HPD: variants seen among roughly 807,000 people sequenced by gnomAD.
HPD encodes 4-hydroxyphenylpyruvate dioxygenase, also known as 4-hydroxyphenylpyruvic acid oxidase.
HPD carries 35 observed loss-of-function variants against 56.9 expected under a neutral mutation model. That is an observed-to-expected ratio of 0.62 (90% CI 0.47 to 0.82). The LOEUF (loss-of-function observed/expected upper bound fraction) is 0.82, where lower values mean the gene tolerates loss of function less well. Among genes scored for constraint, HPD ranks in the 40% least tolerant of loss-of-function variants. The pLI, the probability that HPD is intolerant of heterozygous loss-of-function variation, is 0.00. For synonymous variants in HPD, 186 were observed against 200.2 expected, an observed-to-expected ratio of 0.93 and a Z score of 0.60; for missense variants, 442 against 506.8, an observed-to-expected ratio of 0.87 and a Z score of 1.23.
intron 5 of HPD, 50 bp from the exon 6 acceptor site, chr12:121,856,456 C>T (rs771287187): frequency 1.3e-6 from 2 of 1,599,536 alleles, no homozygotes; most frequent in Admixed American, 1.7e-5. Context: ...TCTAGGTCCC[C>T]TCACCTGGCT....
At chr12:121,878,817 G>A in the HPD span, among the ~76,000 whole-genome samples, 2 of 151,560 alleles carry the variant, frequency 1.3e-5, no homozygotes, top group South Asian at 4.2e-4. Flanking sequence ...GGGACTACAG[G>A]CATGTGCTAC....
Position 121,856,386 on chromosome 12 carries a change from TCAC to T in HPD, c.259_261del (p.Val87del). ...ATGTCCTTCACTCCGTCACCGTGTTTCACCAGGTGATCGCCCATCTCTGTGGCC... is the reference window on the plus strand; with the variant it reads ...ATGTCCTTCACTCCGTCACCGTGTTTCAGGTGATCGCCCATCTCTGTGGCC... On this transcript the variant is annotated inframe_deletion, in exon 6 of 14. Transcript: ENST00000289004. The T allele has an allele frequency of 6.2e-7, 1 of 1,614,094 alleles. No homozygotes were observed.
chr12:121,871,254 G>A, the HPD span, among the ~76,000 whole-genome samples: 1 of 151,948 alleles, frequency 6.6e-6, no homozygotes. Context: ...AGTCCTAGCT[G>A]CTCAGGAGGC....
chr12:121,855,972 CAAAA>C (rs57671436), intron 6 of HPD, among the ~76,000 whole-genome samples: 4 of 65,340 alleles, frequency 6.1e-5, no homozygotes, highest in Middle Eastern at 0.014. Context: ...CTCCGTCTCA[CAAAA>C]AAAAAAAAAA....
At chr12:121,841,200 CAAA>C (rs35849071) in intron 12 of HPD, among the ~76,000 whole-genome samples, 1 of 89,390 alleles carries the variant, frequency 1.1e-5, no homozygotes, top group African/African-American at 3.8e-5. Context: ...GACTCTGTCT[CAAA>C]AAAAAAAAAA....
At chr12:121,843,389 C>A (rs1425048573) in intron 12 of HPD, among the ~76,000 whole-genome samples, 1 of 152,248 alleles carries the variant, frequency 6.6e-6, no homozygotes, top group Non-Finnish European at 1.5e-5. Context: ...TTTCTTCCCG[C>A]TGTTCACATG....
chr12:121,858,677 G>C lies in HPD; in HGVS notation c.30+10C>G. 11 of 1,613,574 alleles carry C rather than the reference G, an allele frequency of 6.8e-6. No homozygotes were observed. Among genetic ancestry groups the C allele is most frequent in the Non-Finnish European group, 9.3e-6 (11 of 1,179,640 alleles). ...CAGGCCCCTACATTTCCCACATTTC[G>C]CCTGCTTACCTTTGCCCCTTTGTCA... is the stretch of plus-strand genomic sequence containing the variant. On this transcript the variant is annotated intron_variant, in intron 2 of 13. Transcript: ENST00000289004.
intron 12 of HPD, 109 bp downstream of exon 12, chr12:121,843,601 G>T: frequency 7.9e-7 from 1 of 1,266,070 alleles, no homozygotes; most frequent in Non-Finnish European, 1.1e-6. Context: ...TCCTTTGCCA[G>T]CAGGGACTTG....
upstream of HPD, among the ~76,000 whole-genome samples, chr12:121,860,897 A>G (rs759163939): frequency 9.3e-5 from 14 of 150,922 alleles, no homozygotes; most frequent in Non-Finnish European, 1.5e-4. Flanking sequence ...CAGGGTGAGA[A>G]CTTGTATCAA....
intron 4 of HPD, chr12:121,857,048 T>C: frequency 4.0e-6 from 2 of 505,908 alleles, no homozygotes; most frequent in East Asian, 7.4e-5. Context: ...GAATTATATG[T>C]TTTTGTTGTT....
intron 3 of HPD, 50 bp from the exon 4 acceptor site, chr12:121,857,482 G>T: frequency 1.4e-6 from 2 of 1,382,434 alleles, no homozygotes; most frequent in Non-Finnish European, 2.1e-6. Context: ...GGGCCAGCAT[G>T]GGGGACTTCC....
chr12:121,850,959 G>T (rs996877840), intron 7 of HPD, among the ~76,000 whole-genome samples: 1 of 151,518 alleles, frequency 6.6e-6, no homozygotes. Flanking sequence ...TGCCTCCCGG[G>T]TTCAAGCGAT....
chr12:121,857,357 C>T lies in HPD; in HGVS notation c.169G>A (p.Val57Met). The T allele has an allele frequency of 1.9e-6, 3 of 1,614,004 alleles. No homozygotes were observed. The highest frequency in any genetic ancestry group is 1.1e-5 in the South Asian group (1 of 91,076). Residue 57 changes from valine to methionine, a missense_variant, in exon 4 of 14, where the codon GTG becomes ATG. By Grantham distance (21) the Val-to-Met change is conservative (BLOSUM62 1). Coordinates refer to ENST00000289004, the MANE Select transcript of HPD (RefSeq NM_002150.3). ...CCTTGTTTGATTACATGGCTGACCA[C>T]CTCCCGGGAACCGGTCTCCAGGCCC... ...YRGLETGSRE[V>M]VSHVIKQGKI...
intron 8 of HPD, 37 bp from the exon 9 acceptor site, chr12:121,849,113 ACC>A: frequency 7.2e-7 from 1 of 1,386,856 alleles, no homozygotes; most frequent in Non-Finnish European, 1.0e-6. Flanking sequence ...GAAGGTGGCT[ACC>A]CCCCAGATTG....
rs1185112224 is a variant in HPD, at chr12:121,858,730, G to A, written c.4-17C>T. 1 of 1,614,124 alleles carries A rather than the reference G, an allele frequency of 6.2e-7. No individual in the cohort carries two copies. Among genetic ancestry groups the A allele is most frequent in the South Asian group, 1.1e-5 (1 of 91,062 alleles). On this transcript the variant is annotated splice_polypyrimidine_tract_variant and intron_variant, in intron 1 of 13. Transcript: ENST00000289004. ...GTAAGTCGTCTAAGGAGAAAAAGAA[G>A]GACAGTGAGACTTGGAGGTTCCAAC...
intron 4 of HPD, chr12:121,857,045 A>T: frequency 2.0e-6 from 1 of 508,604 alleles, no homozygotes; most frequent in South Asian, 2.1e-5. Flanking sequence ...GCTGAATTAT[A>T]TGTTTTTGTT....
At chr12:121,871,970 C>T in the HPD span, among the ~76,000 whole-genome samples, 2 of 150,836 alleles carry the variant, frequency 1.3e-5, no homozygotes, top group East Asian at 3.9e-4. Context: ...CGGTGGCTCA[C>T]GACTGTAATC....
chr12:121,865,707 A>G (rs1764394111), upstream of HPD, among the ~76,000 whole-genome samples: 1 of 151,624 alleles, frequency 6.6e-6, no homozygotes, highest in South Asian at 2.1e-4. Context: ...AATAATCAAG[A>G]GGCTGGGTGT....
chr12:121,843,679 C>T (rs201689528), intron 12 of HPD, 31 bp downstream of exon 12: 612 of 1,613,478 alleles, frequency 3.8e-4, no homozygotes, highest in Non-Finnish European at 5.1e-4. Flanking sequence ...ATACTCCCCC[C>T]ACAAGGCTGC....
Sources: allele counts gnomAD v4.1 joint callset (sites outside exome capture counted in the v4.1 genomes callset), GRCh38; gene constraint gnomAD v4.1.1; transcripts MANE v1.5; gene names NCBI Gene and HGNC (gene_info 2026-07-23, HGNC 2026-07-21).